The following ZFP91 variants were observed in gnomAD, a reference collection of about 807,000 sequenced individuals.
ZFP91 encodes the protein E3 ubiquitin-protein ligase ZFP91.
In ZFP91, 7 loss-of-function variants were observed where a neutral mutation model predicts 63.5. The ratio of observed to expected loss-of-function variants is 0.11; its 90% CI spans 0.06 to 0.21. ZFP91 has a LOEUF of 0.21. Ranked by LOEUF, ZFP91 falls within the 10% of genes least tolerant of loss-of-function variation. The pLI, the probability that ZFP91 is intolerant of heterozygous loss-of-function variation, is 1.00. For missense variants in ZFP91, 628 were observed against 736.6 expected, an observed-to-expected ratio of 0.85 and a Z score of 1.71; for synonymous variants, 330 against 272.1, an observed-to-expected ratio of 1.21 and a Z score of -2.10.
intron 7 of ZFP91, 77 bp downstream of exon 7, chr11:58,612,405 A>G: frequency 1.4e-6 from 2 of 1,453,486 alleles, no homozygotes; most frequent in South Asian, 2.4e-5. Context: ...AGACTTCATG[A>G]TAATCCTGCA....
intron 1 of ZFP91, among the ~76,000 whole-genome samples, chr11:58,580,061 C>G (rs944458479): frequency 5.9e-5 from 9 of 151,334 alleles, no homozygotes; most frequent in Non-Finnish European, 1.3e-4. Context: ...CGCGTTAGCT[C>G]AAGAGCCAGA....
rs1289374827 is a variant in ZFP91 at position 58,621,394 on chromosome 11, CA to C, written c.*3692del. ...AGCATTTAATATTAATACTTCTTCT[CA>C]AAATTGAATGTTTATATCAAGTACT... is the stretch of plus-strand genomic sequence containing the variant. On this transcript the variant is annotated 3_prime_UTR_variant, in exon 11 of 11. Coordinates refer to ENST00000316059, the MANE Select transcript of ZFP91 (RefSeq NM_053023.5). 6.6e-6 allele frequency among the ~76,000 whole-genome samples: 1 copy of C among 152,148 alleles called. No homozygotes were observed. Among genetic ancestry groups the C allele is most frequent in the African/African-American group, 2.4e-5 (1 of 41,432 alleles).
chr11:58,602,744 C>G (rs1419712269), intron 2 of ZFP91, among the ~76,000 whole-genome samples: 1 of 152,102 alleles, frequency 6.6e-6, no homozygotes, highest in African/African-American at 2.4e-5. Flanking sequence ...GAAACTAATA[C>G]ATTTTGGTAT....
At chr11:58,612,623 A>C in intron 7 of ZFP91, 139 bp from the exon 8 acceptor site, 3 of 675,118 alleles carry the variant, frequency 4.4e-6, no homozygotes, top group South Asian at 2.0e-5. Flanking sequence ...ATTCTGTGTA[A>C]TCTGTATAGT....
At chr11:58,604,322 G>A (rs1477366928) in intron 2 of ZFP91, among the ~76,000 whole-genome samples, 1 of 152,126 alleles carries the variant, frequency 6.6e-6, no homozygotes, top group Middle Eastern at 3.2e-3. Flanking sequence ...GTGTGATGAT[G>A]GAGATAGAAT....
At position 58,579,296 on chromosome 11, in the gene ZFP91, G is replaced by A. The variant is rs1273290391; in HGVS notation, c.15G>A (p.Thr5=). The stretch of plus-strand genomic sequence containing the variant: ...GACAAGCCCCGATGCCGGGGGAGAC[G>A]GAAGAGCCGAGACCCCCGGAGCAGC... MPGE[T]EEPRPPEQQD... is the part of the protein sequence containing the mutation. The change falls in exon 1 of 11, where the codon ACG becomes ACA. Residue 5 remains threonine (T), a synonymous_variant. Transcript: ENST00000316059. The A allele has an allele frequency of 6.8e-7, 1 of 1,468,308 alleles. No individual in the cohort carries two copies. The highest frequency in any genetic ancestry group is 9.0e-7 in the Non-Finnish European group (1 of 1,116,654). The allele number at this position is 1,468,308 out of a possible 1,614,324, so 91.0% of individuals were successfully genotyped here.
At chr11:58,594,033 C>T (rs7124590) in intron 2 of ZFP91, among the ~76,000 whole-genome samples, 2,459 of 152,288 alleles carry the variant, frequency 0.016, 67 homozygotes, top group African/African-American at 0.056. Flanking sequence ...CTAGCATCTA[C>T]TCTTGCCCCT....
intron 2 of ZFP91, among the ~76,000 whole-genome samples, chr11:58,588,414 A>C (rs1174033522): frequency 6.6e-6 from 1 of 152,110 alleles, no homozygotes; most frequent in Non-Finnish European, 1.5e-5. Context: ...CTAAAGTATT[A>C]GTTTATTTTG....
chr11:58,609,181 A>G (rs543821740), intron 2 of ZFP91, among the ~76,000 whole-genome samples: 1 of 152,276 alleles, frequency 6.6e-6, no homozygotes, highest in African/African-American at 2.4e-5. Flanking sequence ...AGGATGACCT[A>G]CCGTACTTCA....
intron 2 of ZFP91, among the ~76,000 whole-genome samples, chr11:58,603,012 G>C (rs74359488): frequency 0.012 from 1,832 of 152,248 alleles, 22 homozygotes; most frequent in Non-Finnish European, 0.018. Flanking sequence ...AGCGTAGATT[G>C]CCTTGAAGAG....
intron 2 of ZFP91, among the ~76,000 whole-genome samples, chr11:58,590,354 T>C (rs191269957): frequency 2.0e-5 from 3 of 152,322 alleles, no homozygotes; most frequent in East Asian, 3.9e-4. Context: ...TCTAAAAATT[T>C]AGTGGCTTAA....
chr11:58,609,078 G>A (rs1855614666), intron 2 of ZFP91, among the ~76,000 whole-genome samples: 1 of 152,060 alleles, frequency 6.6e-6, no homozygotes, highest in Admixed American at 6.5e-5. Flanking sequence ...CAATTCTAAT[G>A]TACTTTTTTT....
chr11:58,592,320 CA>C (rs1855321523), intron 2 of ZFP91, among the ~76,000 whole-genome samples: 1 of 152,016 alleles, frequency 6.6e-6, no homozygotes, highest in South Asian at 2.1e-4. Context: ...CTCCTGACCT[CA>C]GATGATCTCC....
At chr11:58,613,687 T>G (rs1855703977) in intron 8 of ZFP91, among the ~76,000 whole-genome samples, 1 of 152,174 alleles carries the variant, frequency 6.6e-6, no homozygotes, top group Admixed American at 6.5e-5. Context: ...TGAGGTTTTG[T>G]TTTTATTTTT....
intron 4 of ZFP91, 129 bp downstream of exon 4, chr11:58,610,463 C>A (rs1855641597): frequency 1.2e-6 from 1 of 828,564 alleles, no homozygotes; most frequent in Non-Finnish European, 1.8e-6. Context: ...AGTTTTGATA[C>A]TGCATTTAGA....
chr11:58,590,727 T>TC (rs1011342581), intron 2 of ZFP91, among the ~76,000 whole-genome samples: 5 of 152,310 alleles, frequency 3.3e-5, no homozygotes, highest in African/African-American at 9.6e-5. Flanking sequence ...CCTGAGTATT[T>TC]CATATTTTTT....
Position 58,610,061 on chromosome 11 carries a change from G to T in ZFP91, c.580+22G>T. 1.9e-6 allele frequency: 3 copies of T among 1,609,762 alleles called. No individual in the cohort carries two copies. The South Asian group carries it at 3.3e-5, about 18-fold the overall frequency. On this transcript the variant is annotated intron_variant, in intron 3 of 10. Coordinates refer to ENST00000316059, the MANE Select transcript of ZFP91 (RefSeq NM_053023.5). Reference sequence around the variant, plus strand: ...TATGGTACAGTGCAACTAGAATATGGCTGTTTACTAACTAGTTGCTGTTAC... The same window carrying T: ...TATGGTACAGTGCAACTAGAATATGTCTGTTTACTAACTAGTTGCTGTTAC...
intron 2 of ZFP91, among the ~76,000 whole-genome samples, chr11:58,603,788 AC>A (rs1301923473): frequency 1.3e-5 from 2 of 152,018 alleles, no homozygotes; most frequent in African/African-American, 4.8e-5. Flanking sequence ...CTAACTTGGG[AC>A]CCCTGACCCT....
In ZFP91 at chr11:58,584,896, T is replaced by C; in HGVS notation, c.370+12T>C. The C allele has an allele frequency of 6.6e-7, 1 of 1,517,500 alleles. No homozygotes were observed. Among genetic ancestry groups the C allele is most frequent in the Non-Finnish European group, 8.8e-7 (1 of 1,141,426 alleles). 94.0% of individuals were successfully genotyped at this position (1,517,500 alleles called of 1,614,324 possible). A position where few individuals can be genotyped will look rare whatever the true frequency, so the allele number is the denominator to read the frequency against. Reference sequence around the variant, plus strand: ...AACAACTGATAAAGGTAAGACTTGGTCATCCTTACCTCTAGCGTACATTAC... The same window carrying C: ...AACAACTGATAAAGGTAAGACTTGGCCATCCTTACCTCTAGCGTACATTAC... On this transcript the variant is annotated intron_variant, in intron 2 of 10. Coordinates refer to ENST00000316059, the MANE Select transcript of ZFP91 (RefSeq NM_053023.5).
Sources: allele counts gnomAD v4.1 joint callset (sites outside exome capture counted in the v4.1 genomes callset), GRCh38; gene constraint gnomAD v4.1.1; transcripts MANE v1.5; gene names NCBI Gene and HGNC (gene_info 2026-07-23, HGNC 2026-07-21).